Variants in DISP1 observed in about 807,000 individuals in gnomAD.
DISP1 encodes dispatched RND transporter family member 1, also known as protein dispatched homolog 1.
Under a neutral mutation model 37.3 loss-of-function variants are expected in DISP1, and 30 were observed. That is an observed-to-expected ratio of 0.80 (90% CI 0.60 to 1.09). The LOEUF is 1.09. Among genes scored for constraint, DISP1 ranks in the 50% least tolerant of loss-of-function variants. The pLI is 0.00. For missense variants in DISP1, 1,598 were observed against 1,879.5 expected (o/e 0.85, Z 2.77); for synonymous variants, 634 against 690.2 (o/e 0.92, Z 1.28).
At chr1:222,825,061 G>T (rs1663978965) in intron 1 of DISP1, among the ~76,000 whole-genome samples, 1 of 151,518 alleles carries the variant, frequency 6.6e-6, no homozygotes, top group Non-Finnish European at 1.5e-5. Flanking sequence ...TTAGATTGTT[G>T]CCCTAGAAGC....
chr1:222,980,160 A>G (rs906554886), intron 3 of DISP1, among the ~76,000 whole-genome samples: 2 of 152,256 alleles, frequency 1.3e-5, no homozygotes, highest in African/African-American at 4.8e-5. Context: ...CAGCAGGTCT[A>G]TGGTTTATGT....
chr1:222,929,714 C>T (rs2789967), intron 2 of DISP1, among the ~76,000 whole-genome samples: 24,103 of 151,852 alleles, frequency 0.16, 1,982 homozygotes, highest in East Asian at 0.3. Flanking sequence ...TAATATCTGG[C>T]GACACATTTC....
chr1:222,940,398 G>A (rs1488941554), intron 2 of DISP1, among the ~76,000 whole-genome samples: 1 of 152,040 alleles, frequency 6.6e-6, no homozygotes, highest in Non-Finnish European at 1.5e-5. Context: ...AGCACAAAGA[G>A]GGAAATCTAG....
chr1:222,872,016 A>T (rs1484233584), intron 1 of DISP1, among the ~76,000 whole-genome samples: 2 of 152,062 alleles, frequency 1.3e-5, no homozygotes, highest in African/African-American at 4.8e-5. Context: ...GAATTTTGTC[A>T]AAGGCCTTTT....
intron 3 of DISP1, among the ~76,000 whole-genome samples, chr1:222,971,684 C>T (rs900822957): frequency 4.9e-4 from 75 of 152,080 alleles, no homozygotes; most frequent in African/African-American, 1.6e-3. Flanking sequence ...TCTGTGGTCT[C>T]ATTGATGAAG....
At chr1:222,910,015 T>C (rs902106322) in intron 1 of DISP1, among the ~76,000 whole-genome samples, 1 of 152,138 alleles carries the variant, frequency 6.6e-6, no homozygotes, top group Non-Finnish European at 1.5e-5. Context: ...GACCAGAAAC[T>C]GAAAAAGTTG....
chr1:222,936,708 T>TAAAA (rs58656421), intron 2 of DISP1, among the ~76,000 whole-genome samples: 12 of 96,206 alleles, frequency 1.2e-4, no homozygotes, highest in Non-Finnish European at 1.7e-4. Context: ...ATATCATATA[T>TAAAA]ATTATATATC....
intron 1 of DISP1, among the ~76,000 whole-genome samples, chr1:222,848,350 C>T (rs1348375335): frequency 6.6e-6 from 1 of 151,682 alleles, no homozygotes; most frequent in African/African-American, 2.4e-5. Context: ...CACGTATTAG[C>T]GACTATTAGC....
chr1:222,971,376 A>AT (rs1676942290), intron 3 of DISP1, among the ~76,000 whole-genome samples: 1 of 146,504 alleles, frequency 6.8e-6, no homozygotes, highest in Non-Finnish European at 1.5e-5. Flanking sequence ...GATACAGTGG[A>AT]TTTTTTATTA....
intron 1 of DISP1, among the ~76,000 whole-genome samples, chr1:222,889,230 A>T (rs1189339536): frequency 6.6e-6 from 1 of 152,154 alleles, no homozygotes; most frequent in African/African-American, 2.4e-5. Flanking sequence ...CAGGAGAAGA[A>T]AAAACCCTCA....
chr1:222,825,734 C>T (rs1438530950), intron 1 of DISP1, among the ~76,000 whole-genome samples: 3 of 152,104 alleles, frequency 2.0e-5, no homozygotes, highest in Admixed American at 1.3e-4. Flanking sequence ...AACTCCTGGC[C>T]TCAAGCAATC....
intron 1 of DISP1, among the ~76,000 whole-genome samples, chr1:222,838,490 T>A (rs1167547777): frequency 6.6e-6 from 1 of 152,206 alleles, no homozygotes; most frequent in Non-Finnish European, 1.5e-5. Flanking sequence ...ACTTTTCAGC[T>A]GGGCATGGTG....
intron 1 of DISP1, among the ~76,000 whole-genome samples, chr1:222,838,414 G>A (rs2125283765): frequency 6.6e-6 from 1 of 152,066 alleles, no homozygotes; most frequent in South Asian, 2.1e-4. Context: ...TCTAGTGTCT[G>A]GGAGATTTTC....
At chr1:222,927,746 G>C (rs2609402) in intron 1 of DISP1, among the ~76,000 whole-genome samples, 1 of 151,906 alleles carries the variant, frequency 6.6e-6, no homozygotes, top group African/African-American at 2.4e-5. Flanking sequence ...GCATTTGTTC[G>C]TAGTATTTAA....
intron 1 of DISP1, among the ~76,000 whole-genome samples, chr1:222,920,041 CTT>C (rs1672725513): frequency 6.6e-6 from 1 of 152,122 alleles, no homozygotes; most frequent in South Asian, 2.1e-4. Context: ...CGGAGTCTAA[CTT>C]TTGGAAAATT....
rs1056233705 is a variant in DISP1 at position 222,815,066 on chromosome 1, G to C, written c.-171G>C. The C allele has an allele frequency of 1.3e-5, 2 of 152,242 alleles. No homozygotes were observed. Among genetic ancestry groups the C allele is most frequent in the African/African-American group, 4.8e-5 (2 of 41,446 alleles). 9.4% of individuals were successfully genotyped at this position (152,242 alleles called of 1,614,324 possible). A position where few individuals can be genotyped will look rare whatever the true frequency, so the allele number is the denominator to read the frequency against. ...CCCGGCTCCGGGCCAGCATCCGAGAGCCCGGACTGGAGGTGAGTTCGCAGC... is the reference window on the plus strand; with the variant it reads ...CCCGGCTCCGGGCCAGCATCCGAGACCCCGGACTGGAGGTGAGTTCGCAGC... On this transcript the variant is annotated 5_prime_UTR_variant, in exon 1 of 9. Transcript: ENST00000675850.
chr1:222,859,584 A>G (rs1027486281), intron 1 of DISP1, among the ~76,000 whole-genome samples: 2 of 152,264 alleles, frequency 1.3e-5, no homozygotes, highest in African/African-American at 4.8e-5. Context: ...TCATTCAAAG[A>G]ATAAATAAAG....
intron 1 of DISP1, among the ~76,000 whole-genome samples, chr1:222,836,527 G>A (rs1023987355): frequency 6.6e-6 from 1 of 152,096 alleles, no homozygotes; most frequent in Admixed American, 6.6e-5. Flanking sequence ...CCCAGGGTCT[G>A]TACTTGCCCT....
At chr1:222,961,458 T>C (rs140648436) in intron 3 of DISP1, among the ~76,000 whole-genome samples, 2,738 of 152,290 alleles carry the variant, frequency 0.018, 78 homozygotes, top group African/African-American at 0.063. Flanking sequence ...TAGGTATTGA[T>C]GGAACGTATC....
Sources: gnomAD v4.1 joint callset for allele counts (sites outside exome capture counted in the v4.1 genomes callset) on GRCh38, gnomAD v4.1.1 for gene constraint, MANE v1.5 for transcripts, NCBI Gene and HGNC (gene_info 2026-07-23, HGNC 2026-07-21) for gene names.